The following SPPL3 variants were observed in gnomAD, a reference collection of about 807,000 sequenced individuals.
SPPL3 encodes signal peptide peptidase-like 3.
A neutral mutation model predicts 42.4 loss-of-function variants in SPPL3; 5 were observed. That is an observed-to-expected ratio of 0.12 (90% CI 0.06 to 0.25). The LOEUF is 0.25. Among genes scored for constraint, SPPL3 ranks in the 10% least tolerant of loss-of-function variants. The probability of loss-of-function intolerance (pLI) is 1.00; values close to 1 mark genes in which losing one functional copy is unlikely to be tolerated. For missense variants in SPPL3, 235 were observed against 489.0 expected (o/e 0.48, Z 4.90); for synonymous variants, 195 against 181.8 (o/e 1.07, Z -0.58).
In SPPL3 at chr12:120,890,958, G is replaced by C. The variant is rs1873622155; in HGVS notation, c.23+12887C>G. ...CTAAAGGTTGACTCATTATCAACTTGGTAAATCTAACCTGAACACAAAGGT... is the reference window on the plus strand; with the variant it reads ...CTAAAGGTTGACTCATTATCAACTTCGTAAATCTAACCTGAACACAAAGGT... On this transcript the variant is annotated intron_variant, in intron 1 of 10. Coordinates refer to ENST00000353487, the MANE Select transcript of SPPL3 (RefSeq NM_139015.5). 2.0e-5 allele frequency among the ~76,000 whole-genome samples: 3 copies of C among 152,148 alleles called. No homozygotes were observed. The South Asian group carries it at 6.2e-4, about 32-fold the overall frequency.
In SPPL3 at chr12:120,773,664, C is replaced by T. The variant is rs570591291; in HGVS notation, c.503-4605G>A. 8.5e-5 allele frequency among the ~76,000 whole-genome samples: 13 copies of T among 152,336 alleles called. No individual in the cohort carries two copies. The East Asian group carries it at 2.3e-3, about 27-fold the overall frequency. The stretch of plus-strand genomic sequence containing the variant: ...TTTTGGAGATGGAGTCTTGCTCTGT[C>T]GCCCACGCTGAGTGCAGTGGCACAA... On this transcript the variant is annotated intron_variant, in intron 6 of 10. Transcript: ENST00000353487.
intron 1 of SPPL3, among the ~76,000 whole-genome samples, chr12:120,828,459 GAAGT>G (rs1194380593): frequency 4.6e-5 from 7 of 151,696 alleles, no homozygotes; most frequent in Non-Finnish European, 1.5e-5. Flanking sequence ...TAGAAGGAAG[GAAGT>G]AATACAGAGC....
intron 1 of SPPL3, among the ~76,000 whole-genome samples, chr12:120,880,266 AAT>A (rs1204407291): frequency 2.0e-5 from 3 of 152,110 alleles, no homozygotes; most frequent in African/African-American, 7.3e-5. Flanking sequence ...ATTATACAAA[AAT>A]AGTCTCAAAA....
chr12:120,897,892 T>C (rs1033406490), intron 1 of SPPL3, among the ~76,000 whole-genome samples: 2 of 151,882 alleles, frequency 1.3e-5, no homozygotes, highest in Non-Finnish European at 2.9e-5. Flanking sequence ...CCACTAGATA[T>C]GGAGACCTGT....
intron 2 of SPPL3, among the ~76,000 whole-genome samples, chr12:120,809,638 C>A (rs1309558140): frequency 6.6e-6 from 1 of 152,174 alleles, no homozygotes; most frequent in Non-Finnish European, 1.5e-5. Context: ...TTCCTCTCGA[C>A]TGAGGATAGT....
At chr12:120,789,878 C>T (rs932510133) in intron 3 of SPPL3, among the ~76,000 whole-genome samples, 3 of 146,002 alleles carry the variant, frequency 2.1e-5, no homozygotes, top group Non-Finnish European at 4.5e-5. Flanking sequence ...TAACTTCTTT[C>T]CACTGTACGG....
chr12:120,864,802 T>C (rs1287289117), intron 1 of SPPL3, among the ~76,000 whole-genome samples: 2 of 152,120 alleles, frequency 1.3e-5, no homozygotes, highest in African/African-American at 2.4e-5. Context: ...GACCTTCCCA[T>C]TACATCACAC....
intron 3 of SPPL3, among the ~76,000 whole-genome samples, chr12:120,785,361 C>A (rs1869687146): frequency 6.6e-6 from 1 of 152,098 alleles, no homozygotes; most frequent in South Asian, 2.1e-4. Flanking sequence ...CAAGGGTTCT[C>A]AATTCTTGGC....
At chr12:120,775,719 GA>G (rs1293194167) in intron 6 of SPPL3, among the ~76,000 whole-genome samples, 16 of 152,156 alleles carry the variant, frequency 1.1e-4, no homozygotes, top group Admixed American at 1.0e-3. Flanking sequence ...TCCCAAATTT[GA>G]AAGGTTAATT....
At chr12:120,862,416 C>T (rs374376632) in intron 1 of SPPL3, among the ~76,000 whole-genome samples, 4 of 152,234 alleles carry the variant, frequency 2.6e-5, no homozygotes, top group East Asian at 1.9e-4. Flanking sequence ...TTTCAGGTGC[C>T]GGTATCAAGT....
intron 1 of SPPL3, among the ~76,000 whole-genome samples, chr12:120,849,156 C>A (rs1018755387): frequency 6.6e-6 from 1 of 151,404 alleles, no homozygotes; most frequent in East Asian, 1.9e-4. Context: ...CAACAGAGAT[C>A]CTCCCTCTAA....
chr12:120,836,364 A>T (rs966642967), intron 1 of SPPL3, among the ~76,000 whole-genome samples: 1 of 152,126 alleles, frequency 6.6e-6, no homozygotes, highest in Admixed American at 6.5e-5. Flanking sequence ...CTCCTGTTGG[A>T]AAGAGGCCAC....
intron 1 of SPPL3, among the ~76,000 whole-genome samples, chr12:120,884,405 G>T (rs150593115): frequency 6.6e-6 from 1 of 151,938 alleles, no homozygotes; most frequent in Non-Finnish European, 1.5e-5. Flanking sequence ...TGTAAAAAAT[G>T]ATCTACAGTT....
intron 1 of SPPL3, among the ~76,000 whole-genome samples, chr12:120,900,754 AAAAT>A (rs201120804): frequency 0.016 from 2,469 of 152,072 alleles, 27 homozygotes; most frequent in South Asian, 0.065. Flanking sequence ...GTAAAAATAC[AAAAT>A]AAATAAATAA....
chr12:120,775,172 G>A (rs1483933001), intron 6 of SPPL3, among the ~76,000 whole-genome samples: 1 of 152,010 alleles, frequency 6.6e-6, no homozygotes, highest in African/African-American at 2.4e-5. Flanking sequence ...TTATTTAGAG[G>A]CAGAGTCTCA....
intron 1 of SPPL3, among the ~76,000 whole-genome samples, chr12:120,823,963 C>CG (rs1298409751): frequency 6.6e-6 from 1 of 151,848 alleles, no homozygotes; most frequent in African/African-American, 2.4e-5. Context: ...CTCCGCCTCC[C>CG]GGGTTCACAC....
chr12:120,863,365 AG>A (rs1220362214), intron 1 of SPPL3, among the ~76,000 whole-genome samples: 1 of 150,530 alleles, frequency 6.6e-6, no homozygotes, highest in African/African-American at 2.4e-5. Flanking sequence ...AAAAAAAAAA[AG>A]TTTTAATGAA....
chr12:120,899,475 A>G (rs1873906511), intron 1 of SPPL3, among the ~76,000 whole-genome samples: 1 of 152,216 alleles, frequency 6.6e-6, no homozygotes, highest in Non-Finnish European at 1.5e-5. Context: ...TGTGCTAGGC[A>G]CTATGGGAGA....
chr12:120,852,224 C>G (rs559388383), intron 1 of SPPL3, among the ~76,000 whole-genome samples: 3 of 151,556 alleles, frequency 2.0e-5, no homozygotes, highest in Non-Finnish European at 4.4e-5. Flanking sequence ...TGGGCTCAGA[C>G]AAATAATTTA....
Sources: allele counts gnomAD v4.1 joint callset (sites outside exome capture counted in the v4.1 genomes callset), GRCh38; gene constraint gnomAD v4.1.1; transcripts MANE v1.5; gene names NCBI Gene and HGNC (gene_info 2026-07-23, HGNC 2026-07-21).